The following WEE1 variants were observed in gnomAD, a reference collection of about 807,000 sequenced individuals.
WEE1 encodes WEE1 G2 checkpoint kinase.
Under a neutral mutation model 68.8 loss-of-function variants are expected in WEE1, and 16 were observed. That is an observed-to-expected ratio of 0.23 (90% CI 0.16 to 0.35). The LOEUF is 0.35. Among genes scored for constraint, WEE1 ranks in the 10% least tolerant of loss-of-function variants. The pLI, the probability that WEE1 is intolerant of heterozygous loss-of-function variation, is 1.00. For missense variants in WEE1, 651 were observed against 824.1 expected, an observed-to-expected ratio of 0.79 and a Z score of 2.57; for synonymous variants, 349 against 318.7, an observed-to-expected ratio of 1.09 and a Z score of -1.01.
At position 9,589,783 on chromosome 11, in the gene WEE1, T is replaced by C; in HGVS notation, c.*1181T>C. 1.2e-6 allele frequency: 1 copy of C among 848,302 alleles called. No homozygotes were observed. Among genetic ancestry groups the C allele is most frequent in the Non-Finnish European group, 1.4e-6 (1 of 704,692 alleles). The allele number at this position is 848,302 out of a possible 1,614,324, so 52.5% of individuals were successfully genotyped here. The stretch of plus-strand genomic sequence containing the variant: ...ATTGTCTAAATCCTTGTGATGCCTG[T>C]TTTCTAATATTTTATCTCTATTATT... On this transcript the variant is annotated 3_prime_UTR_variant, in exon 11 of 11. Transcript: ENST00000450114.
At chr11:9,580,483 G>A (rs1240830015) in intron 5 of WEE1, 2 of 112,484 alleles carry the variant, frequency 1.8e-5, no homozygotes, top group Non-Finnish European at 4.0e-5. Flanking sequence ...TTTTTTTCGG[G>A]GGACTGAGTC....
chr11:9,573,758 G>T lies in WEE1; in HGVS notation c.-176G>T. ...CTGCCGGAAAGTCCGCGCCGCCGCT[G>T]CCGCCACCGTCCGCAGCCCGAGCGC... On this transcript the variant is annotated 5_prime_UTR_variant, in exon 1 of 11. Coordinates refer to ENST00000450114, the MANE Select transcript of WEE1 (RefSeq NM_003390.4). The T allele has an allele frequency of 3.1e-6, 1 of 323,858 alleles. No individual in the cohort carries two copies. The highest frequency in any genetic ancestry group is 2.2e-5 in the African/African-American group (1 of 44,992). 20.1% of individuals were successfully genotyped at this position (323,858 alleles called of 1,614,324 possible).
intron 1 of WEE1, chr11:9,575,416 C>T: frequency 1.0e-6 from 1 of 997,110 alleles, no homozygotes; most frequent in Non-Finnish European, 1.2e-6. Flanking sequence ...TGTCATCAGC[C>T]TAGGCAATCT....
Position 9,576,412 on chromosome 11 carries a change from A to G in WEE1, c.847-75A>G. 3 of 1,567,988 alleles carry G rather than the reference A, an allele frequency of 1.9e-6. No individual in the cohort carries two copies. Among genetic ancestry groups the G allele is most frequent in the Admixed American group, 1.9e-5 (1 of 53,978 alleles). On this transcript the variant is annotated intron_variant, in intron 3 of 10. Coordinates refer to ENST00000450114, the MANE Select transcript of WEE1 (RefSeq NM_003390.4). This position sits in a 1 kb window ranked among gnomAD's most constrained non-coding sequence, Gnocchi z 4.3. ...AGAATGGTTTTTAAATTTCACACAT[A>G]GCCCTATCACCATAGCAAGAAATAA...
chr11:9,582,897 T>G (rs1367228947), intron 6 of WEE1, among the ~76,000 whole-genome samples: 1 of 152,220 alleles, frequency 6.6e-6, no homozygotes, highest in African/African-American at 2.4e-5. Flanking sequence ...AAAATATATT[T>G]GGATTTAAGG....
At position 9,581,558 on chromosome 11, in the gene WEE1, GA is replaced by G. The variant is rs1386378074; in HGVS notation, c.1172del (p.Asn391ThrfsTer5). On this transcript the variant is annotated frameshift_variant, in exon 6 of 11. Coordinates refer to ENST00000450114, the MANE Select transcript of WEE1 (RefSeq NM_003390.4). LOFTEE classifies it high-confidence loss of function. ...NGGSLADAIS[E>X]NYRIMSYFKE... The stretch of plus-strand genomic sequence containing the variant: ...TGGAAGTTTAGCTGATGCTATAAGT[GA>G]AAACTACAGAATCATGAGTTACTTT... 1 of 1,603,262 alleles carries G rather than the reference GA, an allele frequency of 6.2e-7. No individual in the cohort carries two copies. Among genetic ancestry groups the G allele is most frequent in the African/African-American group, 1.3e-5 (1 of 74,266 alleles).
chr11:9,575,222 T>A (rs1203607361), intron 1 of WEE1: 3 of 985,546 alleles, frequency 3.0e-6, no homozygotes, highest in Non-Finnish European at 3.6e-6. Context: ...TAAGGTATCT[T>A]AAAGAAGGAG....
At chr11:9,575,071 T>C (rs1176951229) in intron 1 of WEE1, 3 of 985,370 alleles carry the variant, frequency 3.0e-6, no homozygotes, top group East Asian at 1.1e-4. Flanking sequence ...GCATTTACAG[T>C]CCTACAGACT....
rs1247015630 is a variant in WEE1, at chr11:9,574,176, G to T, written c.243G>T (p.Pro81=). The stretch of plus-strand genomic sequence containing the variant: ...CCGAGCGCCGCCGCTCGCCCGGGCC[G>T]GCCCCCGGCAGCCCCGGCGAGCTGG... ...PGPERRRSPG[P]APGSPGELEE... is the part of the protein sequence containing the mutation. The change falls in exon 1 of 11, where the codon CCG becomes CCT. Residue 81 remains proline (P), a synonymous_variant. Coordinates refer to ENST00000450114, the MANE Select transcript of WEE1 (RefSeq NM_003390.4). The surrounding 1 kb of genome is among the most constrained non-coding windows in gnomAD (Gnocchi z 4.9). 3 of 1,177,944 alleles carry T rather than the reference G, an allele frequency of 2.5e-6. No homozygotes were observed. The highest frequency in any genetic ancestry group is 3.1e-6 in the Non-Finnish European group (3 of 954,088). 73.0% of individuals were successfully genotyped at this position (1,177,944 alleles called of 1,614,324 possible).
Position 9,589,705 on chromosome 11 carries a change from T to A in WEE1, c.*1103T>A, listed in dbSNP as rs1849741349. The A allele has an allele frequency of 1.2e-5, 12 of 985,656 alleles. No individual in the cohort carries two copies. The highest frequency in any genetic ancestry group is 1.4e-5 in the Non-Finnish European group (12 of 829,824). The allele number at this position is 985,656 out of a possible 1,614,324, so 61.1% of individuals were successfully genotyped here. A position where few individuals can be genotyped will look rare whatever the true frequency, so the allele number is the denominator to read the frequency against. The stretch of plus-strand genomic sequence containing the variant: ...AACATGTTTGCACTTGTCTTTGACT[T>A]GTGTTTTATTAACATTGATTGGCAT... On this transcript the variant is annotated 3_prime_UTR_variant, in exon 11 of 11. Coordinates refer to ENST00000450114, the MANE Select transcript of WEE1 (RefSeq NM_003390.4).
At position 9,574,493 on chromosome 11, in the gene WEE1, C is replaced by G. The variant is rs1849541599; in HGVS notation, c.560C>G (p.Thr187Ser). The change falls in exon 1 of 11, where the codon ACC becomes AGC. Residue 187 changes from threonine to serine, a missense_variant. This residue lies in a region of WEE1 where 395 missense variants were observed against 378.4 expected (regional missense o/e 1.04). Transcript: ENST00000450114. This position sits in a 1 kb window ranked among gnomAD's most constrained non-coding sequence, Gnocchi z 4.9. ...KTFRKLRLFD[T>S]PHTPKSLLSK... The stretch of plus-strand genomic sequence containing the variant: ...TTCCGCAAGCTGCGACTCTTCGACA[C>G]CCCGCACACGCCCAAGGTGAGAGCG... The G allele has an allele frequency of 8.0e-7, 1 of 1,254,250 alleles. No individual in the cohort carries two copies. Among genetic ancestry groups the G allele is most frequent in the Non-Finnish European group, 1.0e-6 (1 of 1,000,522 alleles). The allele number at this position is 1,254,250 out of a possible 1,614,324, so 77.7% of individuals were successfully genotyped here.
chr11:9,580,458 C>CTTTTTTTTTTTTTTTTTTTTTTTTTTT (rs374484716), intron 5 of WEE1: 1 of 126,922 alleles, frequency 7.9e-6, no homozygotes. Flanking sequence ...TTCTTTCTTT[C>CTTTTTTTTTTTTTTTTTTTTTTTTTTT]TTTCTTTTTT....
In WEE1 at chr11:9,574,185, C is replaced by G. The variant is rs11042428; in HGVS notation, c.252C>G (p.Gly84=). 730,704 of 1,173,432 alleles carry G rather than the reference C, an allele frequency of 0.62. 230,613 individuals are homozygous for G. Among genetic ancestry groups the G allele is most frequent in the Non-Finnish European group, 0.64 (612,325 of 951,374 alleles). 72.7% of individuals were successfully genotyped at this position (1,173,432 alleles called of 1,614,324 possible). A position where few individuals can be genotyped will look rare whatever the true frequency, so the allele number is the denominator to read the frequency against. Residue 84 remains glycine, a synonymous_variant, in exon 1 of 11, where the codon GGC becomes GGG. Transcript: ENST00000450114. This position sits in a 1 kb window ranked among gnomAD's most constrained non-coding sequence, Gnocchi z 4.9. ...ERRRSPGPAP[G]SPGELEEDLL... ...GCCGCTCGCCCGGGCCGGCCCCCGG[C>G]AGCCCCGGCGAGCTGGAGGAGGACC... is the stretch of plus-strand genomic sequence containing the variant.
chr11:9,583,853 T>C (rs1589980341), intron 6 of WEE1, among the ~76,000 whole-genome samples: 1 of 120,014 alleles, frequency 8.3e-6, no homozygotes, highest in Non-Finnish European at 1.8e-5. Flanking sequence ...ATATACTTTT[T>C]TTTTTCTTTT....
At chr11:9,581,796 G>T (rs764331594) in intron 6 of WEE1, 118 bp downstream of exon 6, 6 of 1,019,964 alleles carry the variant, frequency 5.9e-6, no homozygotes, top group Non-Finnish European at 8.3e-6. Flanking sequence ...GTTTTAAAAG[G>T]CCTTAGATCC....
At chr11:9,585,215 TTTA>T (rs1201392832) in intron 6 of WEE1, 40 bp from the exon 7 acceptor site, 3 of 1,423,066 alleles carry the variant, frequency 2.1e-6, no homozygotes, top group South Asian at 1.2e-5. Flanking sequence ...GAACTCTGGT[TTTA>T]TTATTATTAG....
Position 9,574,321 on chromosome 11 carries a change from G to A in WEE1, c.388G>A (p.Ala130Thr). The change falls in exon 1 of 11, where the codon GCC becomes ACC. Residue 130 changes from alanine (A) to threonine (T), a missense_variant. Physicochemically the swap from Ala to Thr is moderately conservative, Grantham distance 58 (BLOSUM62 0). This residue lies in a region of WEE1 where 395 missense variants were observed against 378.4 expected (regional missense o/e 1.04). Transcript: ENST00000450114. The surrounding 1 kb of genome is among the most constrained non-coding windows in gnomAD (Gnocchi z 4.9). ...CTCGTCGCCGGTCAAGTCGCCGGCG[G>A]CCCCCTACTTCCTGGGTAGCTCTTT... ...GSSSPVKSPA[A>T]PYFLGSSFSP... 1 of 1,271,944 alleles carries A rather than the reference G, an allele frequency of 7.9e-7. No homozygotes were observed. 78.8% of individuals were successfully genotyped at this position (1,271,944 alleles called of 1,614,324 possible). A position where few individuals can be genotyped will look rare whatever the true frequency, so the allele number is the denominator to read the frequency against.
chr11:9,573,757 TGCCGCCACCGTCC>T lies in WEE1; in HGVS notation c.-174_-162del. The T allele has an allele frequency of 3.1e-6, 1 of 323,682 alleles. No homozygotes were observed. Among genetic ancestry groups the T allele is most frequent in the Non-Finnish European group, 4.8e-6 (1 of 208,486 alleles). 20.1% of individuals were successfully genotyped at this position (323,682 alleles called of 1,614,324 possible). ...TCTGCCGGAAAGTCCGCGCCGCCGC[TGCCGCCACCGTCC>T]GCAGCCCGAGCGCCCCGGAGCCGCA... is the stretch of plus-strand genomic sequence containing the variant. On this transcript the variant is annotated 5_prime_UTR_variant, in exon 1 of 11. Transcript: ENST00000450114.
chr11:9,576,531 A>T lies in WEE1; in HGVS notation c.891A>T (p.Thr297=). 6.2e-7 allele frequency: 1 copy of T among 1,614,028 alleles called. No homozygotes were observed. Among genetic ancestry groups the T allele is most frequent in the Non-Finnish European group, 8.5e-7 (1 of 1,179,938 alleles). The change falls in exon 4 of 11, where the codon ACA becomes ACT. Residue 297 remains threonine (T), a synonymous_variant. Transcript: ENST00000450114. This position sits in a 1 kb window ranked among gnomAD's most constrained non-coding sequence, Gnocchi z 4.3. ...GCAATATGAAGTCCCGGTATACAACAGAATTTCATGAGCTAGAGAAAATCG... is the reference window on the plus strand; with the variant it reads ...GCAATATGAAGTCCCGGTATACAACTGAATTTCATGAGCTAGAGAAAATCG... The part of the protein sequence containing the change: ...TESNMKSRYT[T]EFHELEKIGS...
Sources: gnomAD v4.1 joint callset for allele counts (sites outside exome capture counted in the v4.1 genomes callset) on GRCh38, gnomAD v4.1.1 for gene constraint, gnomAD v4.1.1 regional missense constraint, Gnocchi (gnomAD v3.1) non-coding constraint, MANE v1.5 for transcripts, NCBI Gene and HGNC (gene_info 2026-07-23, HGNC 2026-07-21) for gene names.